The following GGA1 variants were observed in gnomAD, a reference collection of about 807,000 sequenced individuals.
GGA1 encodes ADP-ribosylation factor-binding protein GGA1.
GGA1 carries 18 observed loss-of-function variants against 76.9 expected under a neutral mutation model. The observed-to-expected ratio is 0.23, with a 90% CI of 0.16 to 0.35. The LOEUF is 0.35. Among genes scored for constraint, GGA1 ranks in the 10% least tolerant of loss-of-function variants. GGA1 has a pLI of 1.00. For missense variants in GGA1, 755 were observed against 859.0 expected (o/e 0.88, Z 1.51); for synonymous variants, 342 against 354.7 (o/e 0.96, Z 0.40).
chr22:37,609,189 G>A (rs1926978310), intron 1 of GGA1: 1 of 1,386,570 alleles, frequency 7.2e-7, no homozygotes, highest in Non-Finnish European at 9.5e-7. Context: ...GACGGAGAGA[G>A]CAGCCTCCAA....
At chr22:37,630,406 A>T in intron 13 of GGA1, 1 of 520,506 alleles carries the variant, frequency 1.9e-6, no homozygotes, top group South Asian at 2.5e-5. Context: ...AGAAAGGTCC[A>T]GAGGGCCGGC....
intron 2 of GGA1, among the ~76,000 whole-genome samples, chr22:37,615,411 T>G (rs974405299): frequency 4.0e-5 from 6 of 151,270 alleles, no homozygotes; most frequent in Non-Finnish European, 8.8e-5. Flanking sequence ...ATCGTGCCAT[T>G]GCACTCCAGC....
Position 37,620,824 on chromosome 22 carries a change from TCCGACC to T in GGA1, c.442_447del (p.Asp148_Pro149del). On this transcript the variant is annotated inframe_deletion, in exon 6 of 17. Coordinates refer to ENST00000343632, the MANE Select transcript of GGA1 (RefSeq NM_013365.5). ...CTCATCTAATCCAGGGATTGTAAAGTCCGACCCCAAGCTTCCAGATGACACTACCTT... is the reference window on the plus strand; with the variant it reads ...CTCATCTAATCCAGGGATTGTAAAGTCCAAGCTTCCAGATGACACTACCTT... 1 of 1,606,014 alleles carries T rather than the reference TCCGACC, an allele frequency of 6.2e-7. No individual in the cohort carries two copies. Among genetic ancestry groups the T allele is most frequent in the South Asian group, 1.1e-5 (1 of 90,936 alleles).
At chr22:37,616,804 C>A in intron 2 of GGA1, 118 bp from the exon 3 acceptor site, 2 of 1,328,180 alleles carry the variant, frequency 1.5e-6, no homozygotes, top group Non-Finnish European at 2.0e-6. Context: ...GGTGACCCTC[C>A]CCTAGGGCGA....
At position 37,625,197 on chromosome 22, in the gene GGA1, A is replaced by C; in HGVS notation, c.940+121A>C. ...ACTGCCAGGGTGACCCTGGCCCCTTAAGATGGGGAAGGCCCCAGGGAGGGA... is the reference window on the plus strand; with the variant it reads ...ACTGCCAGGGTGACCCTGGCCCCTTCAGATGGGGAAGGCCCCAGGGAGGGA... On this transcript the variant is annotated intron_variant, in intron 10 of 16. Coordinates refer to ENST00000343632, the MANE Select transcript of GGA1 (RefSeq NM_013365.5). The surrounding 1 kb of genome is among the most constrained non-coding windows in gnomAD (Gnocchi z 4.1). 1.9e-5 allele frequency: 16 copies of C among 823,220 alleles called. No homozygotes were observed. Among genetic ancestry groups the C allele is most frequent in the Non-Finnish European group, 2.9e-5 (15 of 519,352 alleles). The allele number at this position is 823,220 out of a possible 1,614,324, so 51.0% of individuals were successfully genotyped here.
At chr22:37,621,964 A>G (rs1184723766) in intron 7 of GGA1, among the ~76,000 whole-genome samples, 2 of 152,126 alleles carry the variant, frequency 1.3e-5, no homozygotes, top group Non-Finnish European at 2.9e-5. Flanking sequence ...TTTTAAAAAT[A>G]CTAAGTATTT....
intron 1 of GGA1, chr22:37,609,275 T>G: frequency 8.8e-7 from 1 of 1,137,466 alleles, no homozygotes; most frequent in Non-Finnish European, 1.1e-6. Flanking sequence ...GGGTTGCATC[T>G]CACACCCGGG....
At chr22:37,611,880 A>G (rs1927674706) in intron 1 of GGA1, among the ~76,000 whole-genome samples, 1 of 152,350 alleles carries the variant, frequency 6.6e-6, no homozygotes, top group Admixed American at 6.5e-5. Context: ...GGTCAGGCAC[A>G]GTGGCTCATG....
At chr22:37,627,771 C>T (rs931534334) in intron 11 of GGA1, among the ~76,000 whole-genome samples, 7 of 152,222 alleles carry the variant, frequency 4.6e-5, no homozygotes, top group South Asian at 2.1e-4. Flanking sequence ...GCACAGGAGC[C>T]GGAAGTGCCA....
chr22:37,632,472 C>T lies in GGA1; in HGVS notation c.1766C>T (p.Pro589Leu), dbSNP rs372987949. 1 of 1,613,942 alleles carries T rather than the reference C, an allele frequency of 6.2e-7. No individual in the cohort carries two copies. Among genetic ancestry groups the T allele is most frequent in the East Asian group, 2.2e-5 (1 of 44,872 alleles). Residue 589 changes from proline to leucine, a missense_variant, in exon 16 of 17, where the codon CCC (proline) becomes CTC (leucine). Coordinates refer to ENST00000343632, the MANE Select transcript of GGA1 (RefSeq NM_013365.5). This position sits in a 1 kb window ranked among gnomAD's most constrained non-coding sequence, Gnocchi z 5.1. Reference protein sequence around the residue: ...ELPAFNPIVHPSAITQVLLLA... With the variant: ...ELPAFNPIVHLSAITQVLLLA... Reference sequence around the variant, plus strand: ...CCAGCTTTTAACCCCATCGTCCACCCCTCAGCAATCACCCAGGTCCTGCTG... The same window carrying T: ...CCAGCTTTTAACCCCATCGTCCACCTCTCAGCAATCACCCAGGTCCTGCTG...
intron 1 of GGA1, 30 bp from the exon 2 acceptor site, chr22:37,614,154 TGCCGGG>T: frequency 7.0e-7 from 1 of 1,436,248 alleles, no homozygotes; most frequent in Non-Finnish European, 9.8e-7. Context: ...GGAATCCCAC[TGCCGGG>T]CCACAATGAC....
chr22:37,615,795 C>T (rs201310627), intron 2 of GGA1, among the ~76,000 whole-genome samples: 6 of 152,084 alleles, frequency 3.9e-5, no homozygotes. Context: ...CCTTCTTGGG[C>T]TGCCCCCAGA....
At chr22:37,616,525 C>T (rs1928823102) in intron 2 of GGA1, among the ~76,000 whole-genome samples, 1 of 152,206 alleles carries the variant, frequency 6.6e-6, no homozygotes, top group Non-Finnish European at 1.5e-5. Flanking sequence ...TCCTTTGCCA[C>T]CTTGAGTTCC....
intron 1 of GGA1, chr22:37,613,206 CCTTA>C: frequency 1.0e-6 from 1 of 961,258 alleles, no homozygotes; most frequent in Non-Finnish European, 1.2e-6. Flanking sequence ...GACTCACACT[CCTTA>C]CTGAGGCCCC....
chr22:37,620,159 A>G (rs532896397), intron 4 of GGA1, 79 bp from the exon 5 acceptor site: 199 of 1,527,360 alleles, frequency 1.3e-4, no homozygotes, highest in Admixed American at 5.0e-4. Context: ...CTGGGGAGGC[A>G]GTAGGGTGTG....
chr22:37,626,069 G>A, intron 11 of GGA1, 120 bp downstream of exon 11: 2 of 720,430 alleles, frequency 2.8e-6, no homozygotes, highest in Non-Finnish European at 4.3e-6. Flanking sequence ...GGGGCACGTG[G>A]ATGAGCATTA....
chr22:37,612,863 C>G (rs1201822543), intron 1 of GGA1: 1 of 949,056 alleles, frequency 1.1e-6, no homozygotes, highest in African/African-American at 1.8e-5. Flanking sequence ...TGTTGTTTAA[C>G]CAGTATTGGG....
intron 12 of GGA1, 116 bp from the exon 13 acceptor site, chr22:37,629,882 T>C (rs1931482506): frequency 1.3e-6 from 1 of 782,586 alleles, no homozygotes; most frequent in South Asian, 1.8e-5. Flanking sequence ...TCCCCACCTC[T>C]GTGGCTGCTT....
At chr22:37,618,260 C>G (rs568493517) in intron 3 of GGA1, 188 bp from the exon 4 acceptor site, 1 of 570,004 alleles carries the variant, frequency 1.8e-6, no homozygotes, top group Non-Finnish European at 3.2e-6. Flanking sequence ...GTCGCCTGAC[C>G]CTATCTCCCA....
Sources: allele counts gnomAD v4.1 joint callset (sites outside exome capture counted in the v4.1 genomes callset), GRCh38; gene constraint gnomAD v4.1.1; non-coding constraint Gnocchi (gnomAD v3.1); transcripts MANE v1.5; gene names NCBI Gene and HGNC (gene_info 2026-07-23, HGNC 2026-07-21).